The following CACNA1A variants were observed in gnomAD, a reference collection of about 807,000 sequenced individuals.
CACNA1A encodes the protein calcium voltage-gated channel subunit alpha1 A, also known as voltage-dependent P/Q-type calcium channel subunit alpha-1A.
A neutral mutation model predicts 262.4 loss-of-function variants in CACNA1A; 57 were observed. The observed-to-expected ratio is 0.22, with a 90% CI of 0.18 to 0.27. The LOEUF (loss-of-function observed/expected upper bound fraction) is 0.27. CACNA1A is among the 10% of genes least tolerant of loss of function. The probability of loss-of-function intolerance (pLI) is 1.00; values close to 1 mark genes in which losing one functional copy is unlikely to be tolerated. For missense variants in CACNA1A, 2,526 were observed against 3,562.8 expected, an observed-to-expected ratio of 0.71 and a Z score of 7.41; for synonymous variants, 1,431 against 1,419.3, an observed-to-expected ratio of 1.01 and a Z score of -0.18.
At chr19:13,431,156 A>C (rs2060497574) in intron 3 of CACNA1A, among the ~76,000 whole-genome samples, 3 of 150,976 alleles carry the variant, frequency 2.0e-5, no homozygotes, top group African/African-American at 4.9e-5. Flanking sequence ...CCAGGTCCTG[A>C]CTCAGTGGCT....
At position 13,506,352 on chromosome 19, in the gene CACNA1A, G is replaced by A. The variant is rs1181866734; in HGVS notation, c.-128C>T. ...GCGCGGCGGCTGGAGCTACGACTGC[G>A]GAGACGCTCCACGGCCCAGCCCATC... On this transcript the variant is annotated 5_prime_UTR_variant, in exon 1 of 47. Transcript: ENST00000360228. 18 of 844,112 alleles carry A rather than the reference G, an allele frequency of 2.1e-5. No homozygotes were observed. Among genetic ancestry groups the A allele is most frequent in the Admixed American group, 4.1e-5 (1 of 24,522 alleles). The allele number at this position is 844,112 out of a possible 1,614,324, so 52.3% of individuals were successfully genotyped here.
chr19:13,276,290 T>C (rs921532632), intron 23 of CACNA1A, among the ~76,000 whole-genome samples: 4 of 152,230 alleles, frequency 2.6e-5, no homozygotes, highest in Non-Finnish European at 1.5e-5. Context: ...TCCAAGAATC[T>C]GTCCACTTCT....
chr19:13,412,814 T>TCTTGCC (rs1197754296), intron 3 of CACNA1A, among the ~76,000 whole-genome samples: 2 of 152,162 alleles, frequency 1.3e-5, no homozygotes, highest in Non-Finnish European at 2.9e-5. Flanking sequence ...CTAAAATAAA[T>TCTTGCC]ATTTAAAAAA....
intron 6 of CACNA1A, among the ~76,000 whole-genome samples, chr19:13,343,269 C>T (rs559373086): frequency 5.3e-5 from 8 of 151,920 alleles, no homozygotes; most frequent in African/African-American, 1.4e-4. Flanking sequence ...TACAGGTGCC[C>T]GCCACCACAC....
chr19:13,389,231 G>A (rs1375196566), intron 3 of CACNA1A, among the ~76,000 whole-genome samples: 1 of 152,146 alleles, frequency 6.6e-6, no homozygotes, highest in African/African-American at 2.4e-5. Context: ...GCCCCATCCC[G>A]TAGTATCTGT....
rs1358948688 is a variant in CACNA1A, at chr19:13,298,950, C to T, written c.2683G>A (p.Gly895Arg). Reference protein sequence around the residue: ...GSQEAELSREGPYGRESDHHA... With the variant: ...GSQEAELSRERPYGRESDHHA... ...TGGTCCGACTCGCGGCCGTAGGGTC[C>T]CTCCCGGCTCAGCTCGGCCTCCTGG... Residue 895 changes from glycine to arginine, a missense_variant, in exon 19 of 47, where the codon GGA becomes AGA. Around this residue, in one of 17 missense-constraint regions of CACNA1A, gnomAD observed 765 missense variants for 748.6 expected, o/e 1.02. Transcript: ENST00000360228. 6.3e-7 allele frequency: 1 copy of T among 1,590,716 alleles called. No homozygotes were observed. The highest frequency in any genetic ancestry group is 1.7e-5 in the Admixed American group (1 of 59,008).
At chr19:13,359,021 G>A (rs1369339077) in intron 6 of CACNA1A, among the ~76,000 whole-genome samples, 1 of 152,186 alleles carries the variant, frequency 6.6e-6, no homozygotes, top group Admixed American at 6.5e-5. Context: ...GCCACCCCTC[G>A]GATGTCCTTG....
At chr19:13,427,774 AAAACAAACAAAC>A (rs60914806) in intron 3 of CACNA1A, among the ~76,000 whole-genome samples, 73 of 150,916 alleles carry the variant, frequency 4.8e-4, no homozygotes, top group South Asian at 2.7e-3. Context: ...CACAGTGGTA[AAAACAAACAAAC>A]AAACAAACAA....
At position 13,455,227 on chromosome 19, in the gene CACNA1A, A is replaced by G. The variant is rs1329913453; in HGVS notation, c.294-15T>C. On this transcript the variant is annotated splice_polypyrimidine_tract_variant and intron_variant, in intron 1 of 46. Coordinates refer to ENST00000360228, the MANE Select transcript of CACNA1A (RefSeq NM_001127222.2). ...ATTCAAAGGGAGTATTGGGGAATTA[A>G]GGAAAAATCTTGTTCAAAGAAAAGA... 1.3e-6 allele frequency: 2 copies of G among 1,522,668 alleles called. No homozygotes were observed. Among genetic ancestry groups the G allele is most frequent in the Non-Finnish European group, 9.1e-7 (1 of 1,097,068 alleles). The allele number at this position is 1,522,668 out of a possible 1,614,324, so 94.3% of individuals were successfully genotyped here.
At chr19:13,468,239 A>G (rs180887227) in intron 1 of CACNA1A, among the ~76,000 whole-genome samples, 13 of 152,302 alleles carry the variant, frequency 8.5e-5, no homozygotes, top group Admixed American at 3.3e-4. Context: ...TCAGTGTCAG[A>G]TTCCAAACAA....
intron 37 of CACNA1A, 55 bp from the exon 38 acceptor site, chr19:13,224,827 C>T: frequency 7.5e-7 from 1 of 1,326,972 alleles, no homozygotes; most frequent in Non-Finnish European, 1.1e-6. Flanking sequence ...CCTGGGTCTC[C>T]CGTGAGCCGC....
At chr19:13,252,761 G>A (rs2056436741) in intron 30 of CACNA1A, 1 of 338,148 alleles carries the variant, frequency 3.0e-6, no homozygotes, top group South Asian at 1.0e-4. Context: ...TCATTTTGAG[G>A]AACTGGATAC....
chr19:13,245,362 C>A, intron 30 of CACNA1A, 97 bp from the exon 31 acceptor site: 1 of 884,114 alleles, frequency 1.1e-6, no homozygotes, highest in Non-Finnish European at 1.9e-6. Context: ...AGTTGCCCAT[C>A]AGCGGAGTGC....
intron 3 of CACNA1A, among the ~76,000 whole-genome samples, chr19:13,413,297 G>A (rs1171629335): frequency 1.3e-5 from 2 of 151,396 alleles, no homozygotes; most frequent in East Asian, 2.0e-4. Flanking sequence ...CAGTAGAGAT[G>A]GGGTTTCACT....
intron 4 of CACNA1A, among the ~76,000 whole-genome samples, chr19:13,370,008 A>C (rs541892008): frequency 6.6e-6 from 1 of 152,354 alleles, no homozygotes; most frequent in Admixed American, 6.5e-5. Flanking sequence ...ATAATAAAAG[A>C]GACTACTTCA....
At chr19:13,271,675 G>C (rs1357212661) in intron 24 of CACNA1A, 1 of 152,108 alleles carries the variant, frequency 6.6e-6, no homozygotes, top group Non-Finnish European at 1.5e-5. Flanking sequence ...ACAATTGAAA[G>C]GCTTGCTTCT....
At chr19:13,489,623 C>A (rs978387871) in intron 1 of CACNA1A, among the ~76,000 whole-genome samples, 1 of 152,182 alleles carries the variant, frequency 6.6e-6, no homozygotes. Flanking sequence ...GAGACAAACA[C>A]CTTAGGGGAG....
intron 38 of CACNA1A, among the ~76,000 whole-genome samples, chr19:13,221,849 CT>C (rs2055244456): frequency 6.6e-6 from 1 of 152,088 alleles, no homozygotes; most frequent in Admixed American, 6.6e-5. Flanking sequence ...TTCTTTCCCC[CT>C]AATGATGGAG....
At chr19:13,327,169 C>A (rs558973120) in intron 10 of CACNA1A, among the ~76,000 whole-genome samples, 5 of 152,256 alleles carry the variant, frequency 3.3e-5, no homozygotes, top group African/African-American at 1.2e-4. Flanking sequence ...GCGTGAGCCA[C>A]CACACCCAGC....
Sources: gnomAD v4.1 joint callset for allele counts (sites outside exome capture counted in the v4.1 genomes callset) on GRCh38, gnomAD v4.1.1 for gene constraint, gnomAD v4.1.1 regional missense constraint, MANE v1.5 for transcripts, NCBI Gene and HGNC (gene_info 2026-07-23, HGNC 2026-07-21) for gene names.